The following RNF38 variants were observed in gnomAD, a reference collection of about 807,000 sequenced individuals.
RNF38 encodes E3 ubiquitin-protein ligase RNF38.
RNF38 carries 15 observed loss-of-function variants against 67.2 expected under a neutral mutation model. That is an observed-to-expected ratio of 0.22 (90% confidence interval 0.15 to 0.34). The LOEUF is 0.34. RNF38 is among the 10% of genes least tolerant of loss of function. The pLI, the probability that RNF38 is intolerant of heterozygous loss-of-function variation, is 1.00. For missense variants in RNF38, 524 were observed against 639.9 expected (o/e 0.82, Z 1.95); for synonymous variants, 220 against 218.8 (o/e 1.01, Z -0.05).
At chr9:36,457,039 G>T (rs1243334066) in intron 1 of RNF38, among the ~76,000 whole-genome samples, 1 of 152,046 alleles carries the variant, frequency 6.6e-6, no homozygotes. Context: ...CATCCTACAA[G>T]ATTATCATGC....
intron 1 of RNF38, among the ~76,000 whole-genome samples, chr9:36,429,656 T>C (rs1312780575): frequency 6.6e-6 from 1 of 152,042 alleles, no homozygotes; most frequent in Admixed American, 6.6e-5. Flanking sequence ...TAGCCACGCA[T>C]GGTGGCGGGC....
Position 36,454,634 on chromosome 9 carries a change from G to A in RNF38, n.242-29951C>T, listed in dbSNP as rs973763455. Among the ~76,000 whole-genome samples the A allele has an allele frequency of 1.1e-4, 15 of 135,044 alleles. No homozygotes were observed. In the East Asian group the frequency reaches 2.6e-3, roughly 24 times the overall value. 88.6% of individuals were successfully genotyped at this position (135,044 alleles called of 152,430 possible). A position where few individuals can be genotyped will look rare whatever the true frequency, so the allele number is the denominator to read the frequency against. On this transcript the variant is annotated intron_variant and non_coding_transcript_variant, in intron 1 of 3. Transcript: ENST00000488058. ...GTCTTACTCTGTCGCCCCGGCTGCA[G>A]TGCAGTGGCACAATCTCGGCTCACT...
At chr9:36,412,226 T>G (rs1293129065) in intron 2 of RNF38, among the ~76,000 whole-genome samples, 2 of 152,240 alleles carry the variant, frequency 1.3e-5, no homozygotes, top group Admixed American at 1.3e-4. Flanking sequence ...GCATCCACCA[T>G]GCTTACAAAT....
At chr9:36,414,501 A>G (rs762661971) in intron 2 of RNF38, among the ~76,000 whole-genome samples, 1 of 152,048 alleles carries the variant, frequency 6.6e-6, no homozygotes, top group Non-Finnish European at 1.5e-5. Context: ...CCTGACCTAC[A>G]TGGAGAAACC....
At chr9:36,399,864 C>T (rs1033597548) in intron 1 of RNF38, among the ~76,000 whole-genome samples, 2 of 151,964 alleles carry the variant, frequency 1.3e-5, no homozygotes, top group Non-Finnish European at 2.9e-5. Context: ...GCAATCAAGG[C>T]CAAACAGAAT....
chr9:36,395,126 G>A (rs2134076048), intron 1 of RNF38, among the ~76,000 whole-genome samples: 1 of 152,266 alleles, frequency 6.6e-6, no homozygotes, highest in South Asian at 2.1e-4. Flanking sequence ...AACCTTTTAA[G>A]CATCAACACT....
In RNF38 at chr9:36,352,774, G is replaced by C. The variant is rs1449802280; in HGVS notation, c.1146C>G (p.Pro382=). 1.2e-6 allele frequency: 2 copies of C among 1,613,800 alleles called. No homozygotes were observed. Among genetic ancestry groups the C allele is most frequent in the African/African-American group, 1.3e-5 (1 of 74,904 alleles). Residue 382 remains proline (P), a synonymous_variant, in exon 8 of 12, where the codon CCC becomes CCG. Coordinates refer to ENST00000259605, the MANE Select transcript of RNF38 (RefSeq NM_022781.5). Reference sequence around the variant, plus strand: ...ATGGCAGTAAGCTGGGATGATAAGGGGGAGGTGGTATTGGCTGCTGGGATC... The same window carrying C: ...ATGGCAGTAAGCTGGGATGATAAGGCGGAGGTGGTATTGGCTGCTGGGATC... ...RYRSQQPIPP[P]PYHPSLLPYV... is the part of the protein sequence containing the mutation.
upstream of RNF38, among the ~76,000 whole-genome samples, chr9:36,405,144 G>A (rs550765478): frequency 2.1e-4 from 32 of 152,230 alleles, no homozygotes; most frequent in African/African-American, 7.5e-4. Flanking sequence ...GCACGTGGCT[G>A]TACTCCTAGC....
chr9:36,357,538 G>A (rs1020343350), intron 5 of RNF38, among the ~76,000 whole-genome samples: 6 of 152,018 alleles, frequency 3.9e-5, no homozygotes, highest in Non-Finnish European at 5.9e-5. Context: ...AAATATATCC[G>A]GTTATAAAGC....
intron 2 of RNF38, among the ~76,000 whole-genome samples, chr9:36,381,334 G>T (rs1836195908): frequency 6.6e-6 from 1 of 152,116 alleles, no homozygotes; most frequent in African/African-American, 2.4e-5. Context: ...AGACCCCAGA[G>T]AAACTAGAAA....
chr9:36,434,233 T>C (rs974467410), intron 1 of RNF38, among the ~76,000 whole-genome samples: 5 of 126,616 alleles, frequency 3.9e-5, no homozygotes, highest in Non-Finnish European at 8.1e-5. Flanking sequence ...AGACTCTGCC[T>C]GAGAAAGGGG....
chr9:36,425,959 G>C (rs371523317), intron 1 of RNF38, among the ~76,000 whole-genome samples: 160 of 152,288 alleles, frequency 1.1e-3, no homozygotes, highest in African/African-American at 3.4e-3. Context: ...GCCTCCCAAA[G>C]TGCTAGGATT....
intron 1 of RNF38, among the ~76,000 whole-genome samples, chr9:36,436,266 T>A (rs1443846714): frequency 6.6e-6 from 1 of 152,100 alleles, no homozygotes; most frequent in Non-Finnish European, 1.5e-5. Flanking sequence ...AGAAAGTACA[T>A]TAAAAAATAT....
intron 1 of RNF38, among the ~76,000 whole-genome samples, chr9:36,463,622 C>T (rs1422628116): frequency 1.3e-5 from 2 of 152,126 alleles, no homozygotes; most frequent in South Asian, 4.2e-4. Flanking sequence ...GACGTGGTCA[C>T]GAAGGGGGCA....
chr9:36,347,938 T>C (rs1415851382), intron 9 of RNF38, among the ~76,000 whole-genome samples: 1 of 151,946 alleles, frequency 6.6e-6, no homozygotes, highest in African/African-American at 2.4e-5. Flanking sequence ...GAGCCGGTCA[T>C]GGTGGCGGGC....
intron 1 of RNF38, among the ~76,000 whole-genome samples, chr9:36,431,823 T>C (rs1053952986): frequency 2.0e-5 from 3 of 152,170 alleles, no homozygotes; most frequent in African/African-American, 7.2e-5. Context: ...TCAAATTGCA[T>C]GACTGGTTCC....
chr9:36,479,187 T>C (rs1207408603), intron 1 of RNF38, among the ~76,000 whole-genome samples: 1 of 152,182 alleles, frequency 6.6e-6, no homozygotes, highest in Non-Finnish European at 1.5e-5. Flanking sequence ...TTGGATACCA[T>C]CTTTACCCCG....
At chr9:36,467,806 T>C (rs1453508044) in intron 1 of RNF38, among the ~76,000 whole-genome samples, 1 of 152,124 alleles carries the variant, frequency 6.6e-6, no homozygotes, top group Non-Finnish European at 1.5e-5. Flanking sequence ...GGAGGGTCCA[T>C]CAGTCAGGTC....
At chr9:36,470,762 T>G (rs536288166) in intron 1 of RNF38, among the ~76,000 whole-genome samples, 11 of 152,168 alleles carry the variant, frequency 7.2e-5, no homozygotes, top group African/African-American at 2.2e-4. Context: ...TTCACCAACA[T>G]CTAGCCCCCA....
Sources: gnomAD v4.1 joint callset for allele counts (sites outside exome capture counted in the v4.1 genomes callset) on GRCh38, gnomAD v4.1.1 for gene constraint, MANE v1.5 for transcripts, NCBI Gene and HGNC (gene_info 2026-07-23, HGNC 2026-07-21) for gene names.